Variants in S100Z observed in about 807,000 individuals in gnomAD.
S100Z encodes S100 calcium binding protein Z, also known as protein S100-Z.
In S100Z, 11 loss-of-function variants were observed where a neutral mutation model predicts 8.5. The observed-to-expected ratio is 1.30, with a 90% CI of 0.82 to 2.15. S100Z has a LOEUF of 2.15. S100Z is among the 30% of genes most tolerant of loss of function. The pLI is 0.00. For synonymous variants in S100Z, 34 were observed against 43.8 expected (o/e 0.78, Z 0.89); for missense variants, 126 against 117.9 (o/e 1.07, Z -0.32).
intron 1 of S100Z, among the ~76,000 whole-genome samples, chr5:76,861,333 A>C (rs1044110697): frequency 7.7e-6 from 1 of 129,622 alleles, no homozygotes; most frequent in African/African-American, 3.1e-5. Flanking sequence ...GAAGCGAGGC[A>C]AAAGCCAGGA....
rs1171043164 is a variant in S100Z at position 76,888,367 on chromosome 5, A to ATTTTTTTTTTTTTT, written c.*2+10546_*2+10559dup. Among the ~76,000 whole-genome samples, 3 of 45,426 alleles carry ATTTTTTTTTTTTTT rather than the reference A, an allele frequency of 6.6e-5. 1 individual carries two copies. Among genetic ancestry groups the ATTTTTTTTTTTTTT allele is most frequent in the East Asian group, 1.8e-3 (2 of 1,120 alleles). 29.8% of individuals were successfully genotyped at this position (45,426 alleles called of 152,430 possible). A position where few individuals can be genotyped will look rare whatever the true frequency, so the allele number is the denominator to read the frequency against. ...TTTTTTTTCCTGGGAAAGTGCTGGTATTTTTTTTTTTTTTTTTTTTTTTTT... is the reference window on the plus strand; with the variant it reads ...TTTTTTTTCCTGGGAAAGTGCTGGTATTTTTTTTTTTTTTTTTTTTTTTTTTTTTTTTTTTTTTT... On this transcript the variant is annotated intron_variant, in intron 4 of 4. Transcript: ENST00000317593.
At chr5:76,863,684 A>G (rs6453258) in intron 1 of S100Z, among the ~76,000 whole-genome samples, 19,097 of 150,560 alleles carry the variant, frequency 0.13, 1,385 homozygotes, top group African/African-American at 0.19. Context: ...GACTACAGGC[A>G]CCCGCCACCA....
At chr5:76,906,999 T>TATATATATATATATATATAC (rs1744469780) in intron 4 of S100Z, among the ~76,000 whole-genome samples, 1 of 16,826 alleles carries the variant, frequency 5.9e-5, no homozygotes, top group Admixed American at 7.6e-4. Context: ...TATATATATA[T>TATATATATATATATATATAC]ATATATATAT....
chr5:76,918,779 G>A (rs1018252678), intron 4 of S100Z, among the ~76,000 whole-genome samples: 1 of 152,184 alleles, frequency 6.6e-6, no homozygotes, highest in African/African-American at 2.4e-5. Flanking sequence ...ATAGTGACAC[G>A]TATCCACTGT....
At chr5:76,930,315 G>A in the S100Z span, among the ~76,000 whole-genome samples, 13 of 152,318 alleles carry the variant, frequency 8.5e-5, no homozygotes, top group East Asian at 1.9e-4. Flanking sequence ...ATGCTCAGGC[G>A]TGGGCAGGTC....
At chr5:76,904,389 C>T (rs1744349781) in intron 4 of S100Z, among the ~76,000 whole-genome samples, 2 of 152,026 alleles carry the variant, frequency 1.3e-5, no homozygotes, top group South Asian at 2.1e-4. Context: ...AAGCAATTCT[C>T]CCTGCCTCAG....
chr5:76,898,861 A>T (rs547991628), intron 4 of S100Z, among the ~76,000 whole-genome samples: 1 of 151,724 alleles, frequency 6.6e-6, no homozygotes, highest in African/African-American at 2.4e-5. Context: ...AGTTTGAGTA[A>T]GATTGGCTTT....
At chr5:76,951,284 C>T in the S100Z span, among the ~76,000 whole-genome samples, 1 of 152,200 alleles carries the variant, frequency 6.6e-6, no homozygotes. Flanking sequence ...GTGGGAACAT[C>T]ACTGTTGTCT....
chr5:76,904,301 C>T (rs1744346396), intron 4 of S100Z, among the ~76,000 whole-genome samples: 1 of 152,112 alleles, frequency 6.6e-6, no homozygotes, highest in African/African-American at 2.4e-5. Context: ...CTCAAGTGAT[C>T]CTCCCACCTC....
At chr5:76,875,568 T>C in intron 3 of S100Z, 68 bp downstream of exon 3, 1 of 1,419,324 alleles carries the variant, frequency 7.0e-7, no homozygotes, top group Non-Finnish European at 9.6e-7. Flanking sequence ...CAGGACAGCC[T>C]TTGGGTTCAT....
chr5:76,854,468 G>T (rs1318512453), intron 1 of S100Z, among the ~76,000 whole-genome samples: 3 of 152,200 alleles, frequency 2.0e-5, no homozygotes, highest in Admixed American at 1.3e-4. Context: ...TGGAGGCATT[G>T]TACCCCTGCC....
At chr5:76,929,352 T>C in the S100Z span, among the ~76,000 whole-genome samples, 1 of 152,218 alleles carries the variant, frequency 6.6e-6, no homozygotes. Flanking sequence ...CCATTACTAA[T>C]TCAGGGAAAG....
At chr5:76,939,082 CTT>C in the S100Z span, among the ~76,000 whole-genome samples, 1 of 151,998 alleles carries the variant, frequency 6.6e-6, no homozygotes, top group Non-Finnish European at 1.5e-5. Flanking sequence ...CACTATTATT[CTT>C]TGACTGCTCT....
chr5:76,864,245 C>G (rs1751179834), intron 1 of S100Z, among the ~76,000 whole-genome samples: 1 of 152,114 alleles, frequency 6.6e-6, no homozygotes, highest in Admixed American at 6.6e-5. Context: ...TGTCATAACA[C>G]AACACAATAC....
intron 4 of S100Z, among the ~76,000 whole-genome samples, chr5:76,904,084 AT>A (rs942372703): frequency 4.6e-5 from 7 of 152,184 alleles, no homozygotes; most frequent in African/African-American, 1.4e-4. Context: ...TCTTTGAGCC[AT>A]TTTTTAAAAA....
chr5:76,910,718 A>G (rs552954159), intron 4 of S100Z, among the ~76,000 whole-genome samples: 1 of 152,136 alleles, frequency 6.6e-6, no homozygotes. Context: ...AGCTCATGTC[A>G]TCACCCTCAC....
chr5:76,902,898 T>G (rs1744284575), intron 4 of S100Z, among the ~76,000 whole-genome samples: 2 of 152,284 alleles, frequency 1.3e-5, no homozygotes, highest in African/African-American at 4.8e-5. Context: ...TAAAAATAAA[T>G]AAGGCGGCTG....
intron 2 of S100Z, among the ~76,000 whole-genome samples, chr5:76,875,042 C>A (rs1168941031): frequency 6.6e-6 from 1 of 152,174 alleles, no homozygotes; most frequent in Admixed American, 6.5e-5. Flanking sequence ...GCGCCCGCCG[C>A]CGCGCCCGGC....
the S100Z span, among the ~76,000 whole-genome samples, chr5:76,940,747 G>C: frequency 6.6e-6 from 1 of 152,260 alleles, no homozygotes; most frequent in Middle Eastern, 3.4e-3. Flanking sequence ...GTATTAACTA[G>C]AGTCCATAGT....
Sources: allele counts gnomAD v4.1 joint callset (sites outside exome capture counted in the v4.1 genomes callset), GRCh38; gene constraint gnomAD v4.1.1; transcripts MANE v1.5; gene names NCBI Gene and HGNC (gene_info 2026-07-23, HGNC 2026-07-21).